DGKI: variants seen among roughly 807,000 people sequenced by gnomAD.
DGKI encodes the protein DAG kinase iota.
A neutral mutation model predicts 147.5 loss-of-function variants in DGKI; 55 were observed. That is an observed-to-expected ratio of 0.37 (90% CI 0.30 to 0.47). The LOEUF (loss-of-function observed/expected upper bound fraction) is 0.47. Among genes scored for constraint, DGKI ranks in the 20% least tolerant of loss-of-function variants. The probability of loss-of-function intolerance (pLI) is 1.00; values close to 1 mark genes in which losing one functional copy is unlikely to be tolerated. For synonymous variants in DGKI, 469 were observed against 477.1 expected, an observed-to-expected ratio of 0.98 and a Z score of 0.22; for missense variants, 1,007 against 1,323.8, an observed-to-expected ratio of 0.76 and a Z score of 3.71.
chr7:137,597,209 TTA>T (rs1819827493), intron 12 of DGKI, among the ~76,000 whole-genome samples: 1 of 152,184 alleles, frequency 6.6e-6, no homozygotes, highest in African/African-American at 2.4e-5. Flanking sequence ...CAACAATGTA[TTA>T]TATATTTCAA....
intron 23 of DGKI, 93 bp downstream of exon 23, chr7:137,485,281 G>T: frequency 1.1e-6 from 1 of 930,230 alleles, no homozygotes. Context: ...CCCTAGGGAA[G>T]ATGTGAACTC....
At chr7:137,535,564 A>C (rs1249826925) in intron 20 of DGKI, among the ~76,000 whole-genome samples, 2 of 151,990 alleles carry the variant, frequency 1.3e-5, no homozygotes, top group Non-Finnish European at 2.9e-5. Flanking sequence ...TGACTTCTGC[A>C]AGAGCTCCCT....
chr7:137,638,513 TG>T (rs1319013987), intron 6 of DGKI, among the ~76,000 whole-genome samples: 3 of 112,864 alleles, frequency 2.7e-5, no homozygotes, highest in Non-Finnish European at 5.0e-5. Context: ...TATATATATG[TG>T]TGTATATATA....
At position 137,603,901 on chromosome 7, in the gene DGKI, T is replaced by C. The variant is rs184034045; in HGVS notation, c.1168-3996A>G. Among the ~76,000 whole-genome samples, 224 of 152,288 alleles carry C rather than the reference T, an allele frequency of 1.5e-3. 1 individual carries two copies. Among genetic ancestry groups the C allele is most frequent in the Non-Finnish European group, 2.4e-3 (162 of 68,032 alleles). ...CTGAAGTGAGCTGTGGTTTAAATAATGTATGCTGAGAGGCTTAGGCTTTAA... is the reference window on the plus strand; with the variant it reads ...CTGAAGTGAGCTGTGGTTTAAATAACGTATGCTGAGAGGCTTAGGCTTTAA... On this transcript the variant is annotated intron_variant, in intron 10 of 32. Coordinates refer to ENST00000614521, the MANE Select transcript of DGKI (RefSeq NM_001321708.2).
At chr7:137,555,647 C>T (rs571128237) in intron 19 of DGKI, among the ~76,000 whole-genome samples, 16 of 152,008 alleles carry the variant, frequency 1.1e-4, no homozygotes, top group Non-Finnish European at 2.1e-4. Flanking sequence ...AAAGAAATTT[C>T]GTGGAAAAAT....
At position 137,527,886 on chromosome 7, in the gene DGKI, G is replaced by T. The variant is rs192647649; in HGVS notation, c.2148-5920C>A. On this transcript the variant is annotated intron_variant, in intron 20 of 32. Coordinates refer to ENST00000614521, the MANE Select transcript of DGKI (RefSeq NM_001321708.2). The stretch of plus-strand genomic sequence containing the variant: ...CTAACTAATCTAATAGAATTCATTT[G>T]AACTGGCTCGTTTTATAAATAGAGT... Among the ~76,000 whole-genome samples, 10 of 152,180 alleles carry T rather than the reference G, an allele frequency of 6.6e-5. No individual in the cohort carries two copies. The East Asian group carries it at 1.9e-3, about 29-fold the overall frequency.
At position 137,678,671 on chromosome 7, in the gene DGKI, C is replaced by A; in HGVS notation, c.511-19G>T. 1 of 1,609,880 alleles carries A rather than the reference C, an allele frequency of 6.2e-7. No homozygotes were observed. ...CATTCTCCTGCAAGGAAAAGACCCA[C>A]CTGACATCAATTTTTTTTTTCCAGG... On this transcript the variant is annotated intron_variant, in intron 2 of 32. Transcript: ENST00000614521.
chr7:137,730,017 A>G (rs1794826663), intron 1 of DGKI, among the ~76,000 whole-genome samples: 1 of 152,144 alleles, frequency 6.6e-6, no homozygotes, highest in South Asian at 2.1e-4. Flanking sequence ...GAAATGAGAT[A>G]CAGGGCACAA....
chr7:137,500,125 G>A (rs916014546), intron 21 of DGKI, among the ~76,000 whole-genome samples: 1 of 152,142 alleles, frequency 6.6e-6, no homozygotes, highest in African/African-American at 2.4e-5. Context: ...CTACACTGTG[G>A]AATTTACTGG....
At chr7:137,723,136 T>A (rs1794617342) in intron 1 of DGKI, among the ~76,000 whole-genome samples, 1 of 152,316 alleles carries the variant, frequency 6.6e-6, no homozygotes, top group East Asian at 1.9e-4. Flanking sequence ...GGTATGATGA[T>A]GATGATGAAG....
At chr7:137,667,516 A>C (rs1822681405) in intron 3 of DGKI, among the ~76,000 whole-genome samples, 1 of 152,214 alleles carries the variant, frequency 6.6e-6, no homozygotes, top group Non-Finnish European at 1.5e-5. Context: ...ACAGTACCAT[A>C]AACACCATCT....
intron 17 of DGKI, among the ~76,000 whole-genome samples, chr7:137,574,352 T>A (rs867753962): frequency 2.0e-5 from 3 of 152,342 alleles, no homozygotes; most frequent in Non-Finnish European, 4.4e-5. Flanking sequence ...AAATGAGTTA[T>A]AAATGACTAT....
chr7:137,704,462 A>G (rs530700815), intron 1 of DGKI, among the ~76,000 whole-genome samples: 6 of 152,264 alleles, frequency 3.9e-5, no homozygotes, highest in Middle Eastern at 3.4e-3. Context: ...TAATTGTTCA[A>G]TTAGAGAGAC....
Position 137,578,254 on chromosome 7 carries a change from T to G in DGKI, c.1698+16A>C. ...TAAGTAATATGTAGTAATTATGAAA[T>G]AAAATGTATACCTACCCCTGCATAG... On this transcript the variant is annotated intron_variant, in intron 16 of 32. Transcript: ENST00000614521. 6.3e-7 allele frequency: 1 copy of G among 1,582,684 alleles called. No homozygotes were observed. Among genetic ancestry groups the G allele is most frequent in the Non-Finnish European group, 8.7e-7 (1 of 1,152,010 alleles).
rs116967994 is a variant in DGKI at position 137,458,371 on chromosome 7, G to C, written c.2735+5118C>G. 2.7e-3 allele frequency among the ~76,000 whole-genome samples: 412 copies of C among 152,232 alleles called. 1 individual carries two copies. The highest frequency in any genetic ancestry group is 6.8e-3 in the Middle Eastern group (2 of 294). ...TACCCTCGGTGTGGTTCACTACACTGTTTCCCCTGTGTCTTAGTCTAGTGG... is the reference window on the plus strand; with the variant it reads ...TACCCTCGGTGTGGTTCACTACACTCTTTCCCCTGTGTCTTAGTCTAGTGG... On this transcript the variant is annotated intron_variant, in intron 27 of 32. Transcript: ENST00000614521.
At chr7:137,765,916 A>AT (rs534785182) in intron 1 of DGKI, among the ~76,000 whole-genome samples, 72 of 152,338 alleles carry the variant, frequency 4.7e-4, no homozygotes, top group African/African-American at 1.6e-3. Context: ...AGTCACATCT[A>AT]TACCTTACAC....
At chr7:137,817,453 G>A (rs1368037677) in intron 1 of DGKI, among the ~76,000 whole-genome samples, 3 of 152,136 alleles carry the variant, frequency 2.0e-5, no homozygotes, top group Non-Finnish European at 4.4e-5. Context: ...GATAAGTGAC[G>A]TACATTCAAT....
chr7:137,561,431 G>A (rs930342821), intron 19 of DGKI, among the ~76,000 whole-genome samples: 4 of 152,096 alleles, frequency 2.6e-5, no homozygotes, highest in Non-Finnish European at 1.5e-5. Flanking sequence ...GAAGGAAAGG[G>A]AGGGACAGGA....
chr7:137,792,519 T>C (rs1796886771), intron 1 of DGKI, among the ~76,000 whole-genome samples: 1 of 152,220 alleles, frequency 6.6e-6, no homozygotes, highest in Non-Finnish European at 1.5e-5. Context: ...CAGTTAACAA[T>C]AGCTTATCAC....
Sources: gnomAD v4.1 joint callset for allele counts (sites outside exome capture counted in the v4.1 genomes callset) on GRCh38, gnomAD v4.1.1 for gene constraint, MANE v1.5 for transcripts, NCBI Gene and HGNC (gene_info 2026-07-23, HGNC 2026-07-21) for gene names.